Variants in RYR3 observed in about 807,000 individuals in gnomAD.
RYR3 encodes brain ryanodine receptor-calcium release channel.
A neutral mutation model predicts 584.3 loss-of-function variants in RYR3; 207 were observed. The ratio of observed to expected loss-of-function variants is 0.35; its 90% CI spans 0.32 to 0.40. The LOEUF is 0.40. RYR3 is among the 10% of genes least tolerant of loss of function. The pLI is 1.00. For missense variants in RYR3, 5,616 were observed against 6,089.2 expected, an observed-to-expected ratio of 0.92 and a Z score of 2.59; for synonymous variants, 2,416 against 2,248.5, an observed-to-expected ratio of 1.07 and a Z score of -2.11.
At chr15:33,472,552 A>T (rs2049014537) in intron 1 of RYR3, among the ~76,000 whole-genome samples, 1 of 152,166 alleles carries the variant, frequency 6.6e-6, no homozygotes, top group African/African-American at 2.4e-5. Flanking sequence ...GCTGCTTGAA[A>T]TCCAAAGCTA....
chr15:33,696,505 G>C lies in RYR3; in HGVS notation c.6134+14G>C, dbSNP rs762086339. On this transcript the variant is annotated intron_variant, in intron 39 of 103. Transcript: ENST00000634891. ...CAATGGGCTGGGGTAGGTGATTCAC[G>C]GTTACGTGCTGTTCTCTCTAGGAGC... The C allele has an allele frequency of 2.5e-6, 4 of 1,613,360 alleles. No individual in the cohort carries two copies. In the Admixed American group the frequency reaches 6.7e-5, roughly 27 times the overall value.
intron 72 of RYR3, among the ~76,000 whole-genome samples, chr15:33,811,510 C>CA (rs34105459): frequency 0.069 from 9,696 of 140,714 alleles, 449 homozygotes; most frequent in Non-Finnish European, 0.094. Flanking sequence ...GACTCCGTCT[C>CA]AAAAAAAAAA....
intron 99 of RYR3, 111 bp downstream of exon 99, chr15:33,858,025 A>T: frequency 7.3e-7 from 1 of 1,368,732 alleles, no homozygotes; most frequent in Non-Finnish European, 1.0e-6. Flanking sequence ...CTGTAGAGTT[A>T]GTTACAGAGC....
chr15:33,811,732 G>T (rs968400326), intron 72 of RYR3, among the ~76,000 whole-genome samples: 1 of 152,110 alleles, frequency 6.6e-6, no homozygotes, highest in African/African-American at 2.4e-5. Context: ...TGTAAGTCTT[G>T]TTAAACAGTG....
At chr15:33,509,322 G>A (rs2052760004) in intron 3 of RYR3, among the ~76,000 whole-genome samples, 1 of 152,126 alleles carries the variant, frequency 6.6e-6, no homozygotes, top group East Asian at 1.9e-4. Context: ...CTTTCTTCCT[G>A]GGTTCCTGTG....
chr15:33,750,859 C>T (rs188585447), intron 57 of RYR3, among the ~76,000 whole-genome samples: 9 of 152,304 alleles, frequency 5.9e-5, no homozygotes, highest in South Asian at 2.1e-4. Flanking sequence ...TCTCCTAATG[C>T]TATCCCTCCC....
intron 60 of RYR3, among the ~76,000 whole-genome samples, chr15:33,765,366 C>G (rs2072926737): frequency 6.6e-6 from 1 of 152,046 alleles, no homozygotes; most frequent in African/African-American, 2.4e-5. Flanking sequence ...GGCGCGGTGG[C>G]TCACACCTGT....
chr15:33,459,813 A>AG (rs898963433), intron 1 of RYR3, among the ~76,000 whole-genome samples: 1 of 152,308 alleles, frequency 6.6e-6, no homozygotes, highest in Admixed American at 6.5e-5. Context: ...AAACAGTTCT[A>AG]GGGAGGGGAA....
At chr15:33,824,828 T>G (rs1031678971) in intron 81 of RYR3, among the ~76,000 whole-genome samples, 3 of 152,154 alleles carry the variant, frequency 2.0e-5, no homozygotes, top group Admixed American at 2.0e-4. Context: ...ACCTTTCAGA[T>G]TGGGGAATAA....
At chr15:33,602,977 T>A (rs771305986) in intron 17 of RYR3, 146 bp from the exon 18 acceptor site, 4 of 827,152 alleles carry the variant, frequency 4.8e-6, no homozygotes, top group Non-Finnish European at 7.6e-6. Flanking sequence ...CTTTTAGAGA[T>A]CCCTCCCATC....
At chr15:33,315,025 TAGAC>T (rs565652801) in intron 1 of RYR3, among the ~76,000 whole-genome samples, 15 of 152,326 alleles carry the variant, frequency 9.8e-5, no homozygotes, top group East Asian at 3.9e-4. Context: ...AGGTTGGTCA[TAGAC>T]AGCCTAATTT....
intron 2 of RYR3, among the ~76,000 whole-genome samples, chr15:33,492,116 G>C (rs966547759): frequency 6.6e-6 from 1 of 152,138 alleles, no homozygotes; most frequent in African/African-American, 2.4e-5. Flanking sequence ...GATCTGACTG[G>C]CAGTGCTAAA....
At chr15:33,516,471 G>A (rs1048968920) in intron 3 of RYR3, among the ~76,000 whole-genome samples, 1 of 151,562 alleles carries the variant, frequency 6.6e-6, no homozygotes, top group Non-Finnish European at 1.5e-5. Context: ...AGCCCCCCGA[G>A]TAGCTGGGAT....
At chr15:33,779,229 C>A (rs768782101) in intron 64 of RYR3, among the ~76,000 whole-genome samples, 1 of 149,816 alleles carries the variant, frequency 6.7e-6, no homozygotes, top group Non-Finnish European at 1.5e-5. Flanking sequence ...CTTTTCTTTT[C>A]TTTTTTTTTC....
chr15:33,504,743 A>G (rs1053822340), intron 3 of RYR3, among the ~76,000 whole-genome samples: 2 of 152,072 alleles, frequency 1.3e-5, no homozygotes, highest in African/African-American at 4.8e-5. Context: ...ACATCCCACC[A>G]AGTACTCAGT....
intron 101 of RYR3, among the ~76,000 whole-genome samples, chr15:33,860,867 G>A (rs984791722): frequency 3.9e-5 from 6 of 152,140 alleles, no homozygotes; most frequent in Admixed American, 6.5e-5. Flanking sequence ...ATAGGAGGGA[G>A]CAGTATCCTC....
chr15:33,613,163 TC>T lies in RYR3; in HGVS notation c.2165-18del. On this transcript the variant is annotated intron_variant, in intron 18 of 103. Coordinates refer to ENST00000634891, the MANE Select transcript of RYR3 (RefSeq NM_001036.6). ...TGCCTCCAGAGTTCCACAGCCTTCTTCCTGTTCTTTCCTCACCAGGCCGGAT... is the reference window on the plus strand; with the variant it reads ...TGCCTCCAGAGTTCCACAGCCTTCTTCTGTTCTTTCCTCACCAGGCCGGAT... 1 of 1,605,152 alleles carries T rather than the reference TC, an allele frequency of 6.2e-7. No homozygotes were observed. Among genetic ancestry groups the T allele is most frequent in the South Asian group, 1.1e-5 (1 of 90,086 alleles).
In RYR3 at chr15:33,580,121, A is replaced by C. The variant is rs778682113; in HGVS notation, c.1414A>C (p.Arg472=). 33 of 1,609,180 alleles carry C rather than the reference A, an allele frequency of 2.1e-5. No individual in the cohort carries two copies. The highest frequency in any genetic ancestry group is 2.5e-5 in the Non-Finnish European group (30 of 1,177,908). ...GAACAAGCTCCGCTCACTCAAAAACAGACAAAATCTTTTCAAGGAAGAGGT... is the reference window on the plus strand; with the variant it reads ...GAACAAGCTCCGCTCACTCAAAAACCGACAAAATCTTTTCAAGGAAGAGGT... ...KQNKLRSLKN[R]QNLFKEEGML... The change falls in exon 13 of 104, where the codon AGA becomes CGA. Residue 472 remains arginine, a synonymous_variant. Coordinates refer to ENST00000634891, the MANE Select transcript of RYR3 (RefSeq NM_001036.6).
intron 1 of RYR3, among the ~76,000 whole-genome samples, chr15:33,444,669 T>C (rs1395749771): frequency 2.0e-5 from 3 of 152,132 alleles, no homozygotes; most frequent in Non-Finnish European, 2.9e-5. Context: ...GGCAATTACA[T>C]TGGAGGCTTA....
Sources: allele counts gnomAD v4.1 joint callset (sites outside exome capture counted in the v4.1 genomes callset), GRCh38; gene constraint gnomAD v4.1.1; transcripts MANE v1.5; gene names NCBI Gene and HGNC (gene_info 2026-07-23, HGNC 2026-07-21).